Variants in RNASET2 observed in about 807,000 individuals in gnomAD.
RNASET2 encodes ribonuclease 6.
In RNASET2, 28 loss-of-function variants were observed where a neutral mutation model predicts 33.9. That is an observed-to-expected ratio of 0.83 (90% confidence interval 0.61 to 1.13). The LOEUF (loss-of-function observed/expected upper bound fraction) is 1.13. RNASET2 is among the 50% of genes most tolerant of loss of function. The pLI, the probability that RNASET2 is intolerant of heterozygous loss-of-function variation, is 0.00. For synonymous variants in RNASET2, 123 were observed against 121.0 expected (o/e 1.02, Z -0.11); for missense variants, 330 against 319.9 (o/e 1.03, Z -0.24).
Position 166,927,945 on chromosome 6 carries a change from G to C in RNASET2, c.*1643C>G, listed in dbSNP as rs1265839471. Among the ~76,000 whole-genome samples, 1 of 152,116 alleles carries C rather than the reference G, an allele frequency of 6.6e-6. No individual in the cohort carries two copies. The highest frequency in any genetic ancestry group is 2.4e-5 in the African/African-American group (1 of 41,402). ...CTGCCAAGCCAACAGAAAAACACTGGAGACAGAAATGAGCTCAGAGAAGGG... is the reference window on the plus strand; with the variant it reads ...CTGCCAAGCCAACAGAAAAACACTGCAGACAGAAATGAGCTCAGAGAAGGG... On this transcript the variant is annotated 3_prime_UTR_variant, in exon 9 of 9. Coordinates refer to ENST00000508775, the MANE Select transcript of RNASET2 (RefSeq NM_003730.6).
At chr6:166,950,404 G>A (rs751814662) in intron 2 of RNASET2, among the ~76,000 whole-genome samples, 3 of 152,334 alleles carry the variant, frequency 2.0e-5, no homozygotes, top group South Asian at 2.1e-4. Flanking sequence ...GGGCAATCTC[G>A]TGTACAGAAG....
Position 166,952,367 on chromosome 6 carries a change from C to T in RNASET2, c.147+121G>A, listed in dbSNP as rs547268272. 315 of 879,526 alleles carry T rather than the reference C, an allele frequency of 3.6e-4. 1 individual carries two copies. Among genetic ancestry groups the T allele is most frequent in the African/African-American group, 4.3e-4 (26 of 60,650 alleles). 54.5% of individuals were successfully genotyped at this position (879,526 alleles called of 1,614,324 possible). On this transcript the variant is annotated intron_variant, in intron 2 of 8. Coordinates refer to ENST00000508775, the MANE Select transcript of RNASET2 (RefSeq NM_003730.6). Reference sequence around the variant, plus strand: ...GTCTCTGCAGGAGACACCGCCCACCCGCCAGAGCGATGCCTACCTCCCGCA... The same window carrying T: ...GTCTCTGCAGGAGACACCGCCCACCTGCCAGAGCGATGCCTACCTCCCGCA...
In RNASET2 at chr6:166,928,100, C is replaced by A. The variant is rs554845780; in HGVS notation, c.*1488G>T. Among the ~76,000 whole-genome samples the A allele has an allele frequency of 9.5e-4, 144 of 152,350 alleles. No homozygotes were observed. The highest frequency in any genetic ancestry group is 2.3e-3 in the Admixed American group (35 of 15,304). ...ATACAGGGACTGCTTCCATCAAATC[C>A]CCCATCATCTCACTCTGTCTGTCTG... On this transcript the variant is annotated 3_prime_UTR_variant, in exon 9 of 9. Transcript: ENST00000508775.
intron 6 of RNASET2, 187 bp from the exon 7 acceptor site, chr6:166,934,323 A>G: frequency 1.7e-6 from 1 of 602,114 alleles, no homozygotes; most frequent in Non-Finnish European, 3.0e-6. Flanking sequence ...CGCCTTCCCC[A>G]CCCCTTAGCA....
intron 2 of RNASET2, among the ~76,000 whole-genome samples, chr6:166,949,163 A>C (rs1295770052): frequency 7.6e-6 from 1 of 131,272 alleles, no homozygotes; most frequent in African/African-American, 3.0e-5. Flanking sequence ...ATGCCATTGC[A>C]CTCCAGCCTA....
intron 4 of RNASET2, among the ~76,000 whole-genome samples, chr6:166,945,791 C>T (rs3777726): frequency 0.31 from 45,972 of 147,716 alleles, 7,561 homozygotes; most frequent in African/African-American, 0.41. Context: ...GATTGCGCCA[C>T]TGCACTCCAG....
chr6:166,942,742 G>A (rs972095612), intron 5 of RNASET2, among the ~76,000 whole-genome samples: 3 of 152,194 alleles, frequency 2.0e-5, no homozygotes, highest in Non-Finnish European at 4.4e-5. Flanking sequence ...GTGACTGGCC[G>A]AGAAAAGTTT....
At chr6:166,947,349 T>C (rs1444993680) in intron 3 of RNASET2, among the ~76,000 whole-genome samples, 1 of 152,196 alleles carries the variant, frequency 6.6e-6, no homozygotes, top group Non-Finnish European at 1.5e-5. Flanking sequence ...ACTCTGACTC[T>C]TGAGTGCTGC....
At chr6:166,943,563 A>G (rs1479946384) in intron 4 of RNASET2, 16 of 330,150 alleles carry the variant, frequency 4.8e-5, no homozygotes, top group Non-Finnish European at 5.9e-5. Context: ...AAGGGGAGGT[A>G]TGGCTCAGGG....
intron 5 of RNASET2, 66 bp downstream of exon 5, chr6:166,942,953 G>T: frequency 2.3e-6 from 3 of 1,301,402 alleles, no homozygotes; most frequent in South Asian, 2.4e-5. Flanking sequence ...CACTTCTAGC[G>T]ATTCATCACG....
At chr6:166,931,687 C>T (rs565923825) in intron 7 of RNASET2, 35 of 167,626 alleles carry the variant, frequency 2.1e-4, no homozygotes, top group East Asian at 1.0e-3. Context: ...GAGTCCTCCC[C>T]CACTGCTTCT....
intron 1 of RNASET2, chr6:166,955,804 G>A (rs1359797688): frequency 2.0e-6 from 2 of 975,828 alleles, no homozygotes; most frequent in Non-Finnish European, 2.4e-6. Context: ...CTTCCCAGAG[G>A]TCACCCCGGG....
rs1224792705 is a variant in RNASET2, at chr6:166,925,324, T to C, written c.*4264A>G. Among the ~76,000 whole-genome samples the C allele has an allele frequency of 6.8e-6, 1 of 148,128 alleles. No homozygotes were observed. The highest frequency in any genetic ancestry group is 1.5e-5 in the Non-Finnish European group (1 of 67,092). On this transcript the variant is annotated 3_prime_UTR_variant, in exon 9 of 9. Coordinates refer to ENST00000508775, the MANE Select transcript of RNASET2 (RefSeq NM_003730.6). The stretch of plus-strand genomic sequence containing the variant: ...CTCACCCATGCCATCTAGCCCTCAC[T>C]CAAGCCACCCAGCTCTCACTTCCTC...
Position 166,956,137 on chromosome 6 carries a change from G to A in RNASET2, c.46C>T (p.Leu16=), listed in dbSNP as rs1363244527. 1.0e-5 allele frequency: 16 copies of A among 1,551,540 alleles called. No homozygotes were observed. The highest frequency in any genetic ancestry group is 2.4e-5 in the South Asian group (2 of 84,110). ...GCACCGCCCAGGCAAAGCAACGCCA[G>A]GCAGAGGCAGCCCAGCAGGGCCCCG... ...LRGALLGCLC[L]ALLCLGGADK... is the part of the protein sequence containing the mutation. The change falls in exon 1 of 9, where the codon CTG becomes TTG. Residue 16 remains leucine, a synonymous_variant. Coordinates refer to ENST00000508775, the MANE Select transcript of RNASET2 (RefSeq NM_003730.6).
chr6:166,948,140 G>A (rs55877499), intron 3 of RNASET2, among the ~76,000 whole-genome samples: 2 of 152,236 alleles, frequency 1.3e-5, no homozygotes, highest in Middle Eastern at 3.4e-3. Flanking sequence ...GAGGTCAGGA[G>A]GTCGAGACCA....
chr6:166,955,997 G>T, intron 1 of RNASET2, 100 bp downstream of exon 1: 6 of 1,273,446 alleles, frequency 4.7e-6, no homozygotes, highest in Non-Finnish European at 6.7e-6. Flanking sequence ...GCTGCCCGGG[G>T]CTCAGCGACC....
In RNASET2 at chr6:166,928,613, A is replaced by G. The variant is rs1213834117; in HGVS notation, c.*975T>C. The stretch of plus-strand genomic sequence containing the variant: ...TAAGACAAACAGAGAAAAGGATTTA[A>G]AGAGAGAAGAGGCCAGGAGACGCGG... On this transcript the variant is annotated 3_prime_UTR_variant, in exon 9 of 9. Transcript: ENST00000508775. Among the ~76,000 whole-genome samples the G allele has an allele frequency of 6.6e-6, 1 of 152,246 alleles. No homozygotes were observed. Among genetic ancestry groups the G allele is most frequent in the Non-Finnish European group, 1.5e-5 (1 of 68,050 alleles).
Position 166,927,010 on chromosome 6 carries a change from C to A in RNASET2, c.*2578G>T, listed in dbSNP as rs140260958. 7.9e-5 allele frequency among the ~76,000 whole-genome samples: 12 copies of A among 152,314 alleles called. No individual in the cohort carries two copies. The Middle Eastern group carries it at 0.01, about 130-fold the overall frequency. The stretch of plus-strand genomic sequence containing the variant: ...TGATCCCAGAGCCTGGCCTGCTCCT[C>A]CTTCCACACATACGAGCCTGAGACC... On this transcript the variant is annotated 3_prime_UTR_variant, in exon 9 of 9. Coordinates refer to ENST00000508775, the MANE Select transcript of RNASET2 (RefSeq NM_003730.6).
In RNASET2 at chr6:166,923,228, CTTTTTTTTT is replaced by C. The variant is rs576639665; in HGVS notation, c.*6351_*6359del. 7.0e-4 allele frequency among the ~76,000 whole-genome samples: 72 copies of C among 102,660 alleles called. 2 individuals carry two copies. The highest frequency in any genetic ancestry group is 3.7e-3 in the African/African-American group (71 of 19,136). The allele number at this position is 102,660 out of a possible 152,430, so 67.3% of individuals were successfully genotyped here. ...ACAGGCGTGAGCCACCAGGCCCGGC[CTTTTTTTTT>C]TTTTTTTTTTTTGAGACAGAGTCTT... On this transcript the variant is annotated 3_prime_UTR_variant, in exon 9 of 9. Coordinates refer to ENST00000508775, the MANE Select transcript of RNASET2 (RefSeq NM_003730.6).
Sources: allele counts gnomAD v4.1 joint callset (sites outside exome capture counted in the v4.1 genomes callset), GRCh38; gene constraint gnomAD v4.1.1; transcripts MANE v1.5; gene names NCBI Gene and HGNC (gene_info 2026-07-23, HGNC 2026-07-21).